The following SLC9A9 variants were observed in gnomAD, a reference collection of about 807,000 sequenced individuals.
The protein encoded by SLC9A9 is solute carrier family 9 member A9, also known as sodium/hydrogen exchanger 9.
In SLC9A9, 62 loss-of-function variants were observed where a neutral mutation model predicts 77.8. That is an observed-to-expected ratio of 0.80 (90% CI 0.65 to 0.98). The LOEUF is 0.98. Among genes scored for constraint, SLC9A9 ranks in the 50% least tolerant of loss-of-function variants. SLC9A9 has a pLI of 0.00. For missense variants in SLC9A9, 775 were observed against 774.9 expected (o/e 1.00, Z 0.00); for synonymous variants, 320 against 283.5 (o/e 1.13, Z -1.29).
At chr3:143,471,885 T>C (rs975275269) in intron 11 of SLC9A9, among the ~76,000 whole-genome samples, 12 of 152,208 alleles carry the variant, frequency 7.9e-5, no homozygotes, top group Admixed American at 3.9e-4. Context: ...TATGTTGATG[T>C]TCTATTCATA....
chr3:143,449,992 A>G (rs1329340839), intron 12 of SLC9A9, among the ~76,000 whole-genome samples: 52 of 54,740 alleles, frequency 9.5e-4, no homozygotes, highest in African/African-American at 3.5e-3. Flanking sequence ...ATGTATATAT[A>G]CATATATATA....
chr3:143,356,688 C>CT (rs991457921), intron 14 of SLC9A9, among the ~76,000 whole-genome samples: 6 of 151,864 alleles, frequency 4.0e-5, no homozygotes, highest in African/African-American at 4.8e-5. Context: ...GCTCAGTTAA[C>CT]TTTTTTTGTA....
intron 6 of SLC9A9, among the ~76,000 whole-genome samples, chr3:143,644,533 G>C (rs1163408065): frequency 6.6e-6 from 1 of 152,184 alleles, no homozygotes; most frequent in Non-Finnish European, 1.5e-5. Flanking sequence ...CCAGGGAACA[G>C]GAATGAGAGA....
rs554059731 is a variant in SLC9A9 at position 143,795,889 on chromosome 3, C to A, written c.457-812G>T. Among the ~76,000 whole-genome samples, 10 of 152,242 alleles carry A rather than the reference C, an allele frequency of 6.6e-5. No individual in the cohort carries two copies. The East Asian group carries it at 1.9e-3, about 29-fold the overall frequency. ...TTCAACTGCTTGCTTAGGGAAAACC[C>A]CATTCCAGTTTTTTGAGTGGGATCT... On this transcript the variant is annotated intron_variant, in intron 3 of 15. Transcript: ENST00000316549.
At chr3:143,314,997 C>T (rs1167832214) in intron 14 of SLC9A9, among the ~76,000 whole-genome samples, 15 of 152,212 alleles carry the variant, frequency 9.9e-5, no homozygotes, top group Admixed American at 9.8e-4. Context: ...ACATAAAATA[C>T]TGTTTGGTTT....
chr3:143,668,787 G>A (rs1206083159), intron 5 of SLC9A9, among the ~76,000 whole-genome samples: 2 of 152,152 alleles, frequency 1.3e-5, no homozygotes, highest in African/African-American at 2.4e-5. Flanking sequence ...TTCTGCCCTC[G>A]TAATCAGGAA....
At chr3:143,743,072 T>G (rs1935111938) in intron 4 of SLC9A9, among the ~76,000 whole-genome samples, 1 of 151,858 alleles carries the variant, frequency 6.6e-6, no homozygotes, top group African/African-American at 2.4e-5. Flanking sequence ...GTGCTGAAAT[T>G]TAGACACTAC....
intron 12 of SLC9A9, among the ~76,000 whole-genome samples, chr3:143,398,594 C>T (rs2033782055): frequency 6.6e-6 from 1 of 151,976 alleles, no homozygotes. Context: ...GATTTATAAC[C>T]CTTTTCTTTA....
At chr3:143,286,271 G>C (rs1938379029) in intron 14 of SLC9A9, among the ~76,000 whole-genome samples, 1 of 152,196 alleles carries the variant, frequency 6.6e-6, no homozygotes, top group African/African-American at 2.4e-5. Flanking sequence ...GTGGTAGGAA[G>C]GGGTGGGGGT....
intron 14 of SLC9A9, among the ~76,000 whole-genome samples, chr3:143,354,031 C>T (rs17638168): frequency 0.18 from 27,411 of 152,044 alleles, 2,753 homozygotes; most frequent in Admixed American, 0.25. Context: ...AAGGGTTTCA[C>T]GCTTGACTTC....
chr3:143,761,979 G>A (rs528624346), intron 4 of SLC9A9, among the ~76,000 whole-genome samples: 54 of 152,230 alleles, frequency 3.5e-4, no homozygotes, highest in Non-Finnish European at 1.9e-4. Flanking sequence ...AAGAAAATGT[G>A]GCATATATAC....
intron 12 of SLC9A9, among the ~76,000 whole-genome samples, chr3:143,388,514 T>A (rs1205533346): frequency 6.6e-6 from 1 of 152,224 alleles, no homozygotes; most frequent in Non-Finnish European, 1.5e-5. Flanking sequence ...GGGATAAGCA[T>A]ATATATATTT....
intron 8 of SLC9A9, among the ~76,000 whole-genome samples, chr3:143,567,770 T>G (rs527773795): frequency 6.6e-6 from 1 of 152,174 alleles, no homozygotes; most frequent in East Asian, 1.9e-4. Context: ...ATGAGCAAGC[T>G]GCTTACACTG....
At chr3:143,511,166 T>C (rs1464808304) in intron 9 of SLC9A9, among the ~76,000 whole-genome samples, 1 of 152,118 alleles carries the variant, frequency 6.6e-6, no homozygotes, top group Non-Finnish European at 1.5e-5. Context: ...GCTGGTGCAG[T>C]GGGGGTGGGC....
At chr3:143,723,162 C>T (rs943957850) in intron 4 of SLC9A9, among the ~76,000 whole-genome samples, 2 of 152,044 alleles carry the variant, frequency 1.3e-5, no homozygotes, top group Admixed American at 6.6e-5. Flanking sequence ...TCAGCATCTG[C>T]CTTCTTTAGG....
intron 14 of SLC9A9, among the ~76,000 whole-genome samples, chr3:143,269,334 G>T (rs934218860): frequency 1.3e-5 from 2 of 152,180 alleles, no homozygotes; most frequent in African/African-American, 4.8e-5. Context: ...TCTTAAAACT[G>T]TACACACGCG....
At chr3:143,720,479 C>T (rs1934468130) in intron 4 of SLC9A9, among the ~76,000 whole-genome samples, 1 of 152,180 alleles carries the variant, frequency 6.6e-6, no homozygotes, top group Non-Finnish European at 1.5e-5. Flanking sequence ...CCTCCGGCCT[C>T]ACTTGCTGAA....
At chr3:143,609,892 T>C (rs2037994669) in intron 6 of SLC9A9, among the ~76,000 whole-genome samples, 3 of 149,852 alleles carry the variant, frequency 2.0e-5, no homozygotes. Flanking sequence ...AATTTTTTGT[T>C]TTATAAATAA....
At chr3:143,822,630 C>T (rs942715661) in intron 2 of SLC9A9, among the ~76,000 whole-genome samples, 2 of 152,182 alleles carry the variant, frequency 1.3e-5, no homozygotes, top group Non-Finnish European at 2.9e-5. Flanking sequence ...CAGGAGAGAA[C>T]AGGGAAATGC....
Sources: gnomAD v4.1 joint callset for allele counts (sites outside exome capture counted in the v4.1 genomes callset) on GRCh38, gnomAD v4.1.1 for gene constraint, MANE v1.5 for transcripts, NCBI Gene and HGNC (gene_info 2026-07-23, HGNC 2026-07-21) for gene names.